Variants in DNAJC27 observed in about 807,000 individuals in gnomAD.
DNAJC27 encodes dnaJ homolog subfamily C member 27.
Under a neutral mutation model 31.4 loss-of-function variants are expected in DNAJC27, and 25 were observed. The ratio of observed to expected loss-of-function variants is 0.80; its 90% confidence interval spans 0.58 to 1.11. DNAJC27 has a LOEUF of 1.11. Among genes scored for constraint, DNAJC27 ranks in the 50% most tolerant of loss-of-function variants. DNAJC27 has a pLI of 0.00. For missense variants in DNAJC27, 356 were observed against 347.3 expected (o/e 1.02, Z -0.20); for synonymous variants, 106 against 112.7 (o/e 0.94, Z 0.37).
intron 4 of DNAJC27, 78 bp from the exon 5 acceptor site, chr2:24,957,243 C>A: frequency 6.9e-7 from 1 of 1,448,518 alleles, no homozygotes; most frequent in South Asian, 1.5e-5. Flanking sequence ...GGGTCTCTGT[C>A]AATCCTTTAC....
intron 1 of DNAJC27, among the ~76,000 whole-genome samples, chr2:24,970,210 A>C (rs1309538400): frequency 6.6e-6 from 1 of 152,184 alleles, no homozygotes; most frequent in African/African-American, 2.4e-5. Flanking sequence ...TGTGGGTAAT[A>C]ATTTTGCTTT....
At chr2:24,961,774 T>A (rs1666047875) in intron 3 of DNAJC27, among the ~76,000 whole-genome samples, 1 of 152,078 alleles carries the variant, frequency 6.6e-6, no homozygotes, top group Admixed American at 6.6e-5. Flanking sequence ...CGATAAAAAA[T>A]AAATAAGGAG....
chr2:24,956,747 C>T (rs1244944933), intron 5 of DNAJC27, among the ~76,000 whole-genome samples: 1 of 152,156 alleles, frequency 6.6e-6, no homozygotes, highest in African/African-American at 2.4e-5. Context: ...TGGGCTCCAT[C>T]GCAACATAAG....
At chr2:24,965,011 G>C (rs1666144615) in intron 2 of DNAJC27, among the ~76,000 whole-genome samples, 1 of 152,006 alleles carries the variant, frequency 6.6e-6, no homozygotes, top group Non-Finnish European at 1.5e-5. Flanking sequence ...TTTGAGACCA[G>C]CCTGGCCAAC....
At chr2:24,963,379 A>G in intron 3 of DNAJC27, 26 bp downstream of exon 3, 1 of 1,584,196 alleles carries the variant, frequency 6.3e-7, no homozygotes, top group Admixed American at 1.7e-5. Flanking sequence ...TACTGGATAT[A>G]GGTTTTGTCA....
rs1665773634 is a variant in DNAJC27 at position 24,951,499 on chromosome 2, G to C, written c.584C>G (p.Thr195Ser). The C allele has an allele frequency of 6.2e-7, 1 of 1,613,508 alleles. No individual in the cohort carries two copies. The highest frequency in any genetic ancestry group is 1.3e-5 in the African/African-American group (1 of 74,914). Residue 195 changes from threonine (T) to serine (S), a missense_variant, in exon 6 of 7, where the codon ACC (threonine) becomes AGC (serine). Coordinates refer to ENST00000264711, the MANE Select transcript of DNAJC27 (RefSeq NM_016544.3). ...LCENGGKRPT[T>S]NSSASFTKEQ... is the part of the protein sequence containing the mutation. ...TTTGGTGAAACTAGCACTGCTATTG[G>C]TGGTAGGGCGTTTCCCGCCATTTTC...
At chr2:24,951,214 G>A (rs1179025244) in intron 6 of DNAJC27, among the ~76,000 whole-genome samples, 180 bp downstream of exon 6, 2 of 152,242 alleles carry the variant, frequency 1.3e-5, no homozygotes, top group African/African-American at 4.8e-5. Context: ...CCAGGCAACT[G>A]TGCCCTCTAT....
intron 3 of DNAJC27, 40 bp downstream of exon 3, chr2:24,963,365 A>C (rs765308624): frequency 1.5e-5 from 23 of 1,527,914 alleles, no homozygotes; most frequent in Middle Eastern, 3.4e-4. Flanking sequence ...CAAACCACCA[A>C]CAATACTGGA....
At chr2:24,959,125 T>C (rs1360896089) in intron 3 of DNAJC27, among the ~76,000 whole-genome samples, 1 of 152,160 alleles carries the variant, frequency 6.6e-6, no homozygotes, top group Non-Finnish European at 1.5e-5. Context: ...TTTCCCTCAG[T>C]ACTCATGGTC....
At chr2:24,956,224 T>C (rs1300748142) in intron 5 of DNAJC27, among the ~76,000 whole-genome samples, 1 of 152,246 alleles carries the variant, frequency 6.6e-6, no homozygotes, top group Admixed American at 6.5e-5. Context: ...ACTACTTTAT[T>C]TGAAATGCTA....
intron 3 of DNAJC27, among the ~76,000 whole-genome samples, chr2:24,960,238 T>C (rs1174891554): frequency 6.6e-6 from 1 of 152,248 alleles, no homozygotes; most frequent in Non-Finnish European, 1.5e-5. Context: ...TCTGTTACTA[T>C]TTTAAGTGTT....
At chr2:24,963,378 T>C (rs755330276) in intron 3 of DNAJC27, 27 bp downstream of exon 3, 27 of 1,583,434 alleles carry the variant, frequency 1.7e-5, no homozygotes, top group Non-Finnish European at 2.0e-5. Flanking sequence ...ATACTGGATA[T>C]AGGTTTTGTC....
chr2:24,951,621 C>A, intron 5 of DNAJC27, 67 bp from the exon 6 acceptor site: 1 of 1,410,116 alleles, frequency 7.1e-7, no homozygotes, highest in East Asian at 2.3e-5. Context: ...TTTTAAGCAT[C>A]AACTTAAAAG....
At position 24,971,924 on chromosome 2, in the gene DNAJC27, C is replaced by A; in HGVS notation, c.-20G>T. 1.9e-6 allele frequency: 3 copies of A among 1,550,398 alleles called. No homozygotes were observed. Among genetic ancestry groups the A allele is most frequent in the Non-Finnish European group, 1.7e-6 (2 of 1,151,090 alleles). On this transcript the variant is annotated 5_prime_UTR_variant, in exon 1 of 7. Coordinates refer to ENST00000264711, the MANE Select transcript of DNAJC27 (RefSeq NM_016544.3). Reference sequence around the variant, plus strand: ...CTCCATGGCCCTGGCTCTCTCGGGGCCACCCGCCTCGGTCTCTTCTTGTGC... The same window carrying A: ...CTCCATGGCCCTGGCTCTCTCGGGGACACCCGCCTCGGTCTCTTCTTGTGC...
intron 6 of DNAJC27, among the ~76,000 whole-genome samples, chr2:24,949,518 C>G (rs2149120374): frequency 6.6e-6 from 1 of 152,324 alleles, no homozygotes; most frequent in East Asian, 1.9e-4. Context: ...GAACAGTAAA[C>G]ACAGTTAACA....
At chr2:24,963,258 C>A in intron 3 of DNAJC27, 147 bp downstream of exon 3, 1 of 510,372 alleles carries the variant, frequency 2.0e-6, no homozygotes, top group Non-Finnish European at 3.5e-6. Flanking sequence ...TGTCTATTAA[C>A]TCAAGGCTCT....
intron 5 of DNAJC27, among the ~76,000 whole-genome samples, chr2:24,952,514 T>C (rs973846375): frequency 5.9e-5 from 9 of 152,236 alleles, no homozygotes; most frequent in Non-Finnish European, 1.0e-4. Context: ...ACAAGTCAGT[T>C]GTTTCTAGTT....
At chr2:24,972,014 G>C (rs957520768), upstream of DNAJC27, 8 of 773,054 alleles carry the variant, frequency 1.0e-5, no homozygotes, top group African/African-American at 1.8e-5. Flanking sequence ...TCACCGCCTC[G>C]CCTCCGCTGC....
At chr2:24,958,063 C>A in intron 3 of DNAJC27, 89 bp from the exon 4 acceptor site, 1 of 1,236,370 alleles carries the variant, frequency 8.1e-7, no homozygotes, top group African/African-American at 1.5e-5. Context: ...AAAGTGTGTT[C>A]TTTTGTGTAT....
Sources: gnomAD v4.1 joint callset for allele counts (sites outside exome capture counted in the v4.1 genomes callset) on GRCh38, gnomAD v4.1.1 for gene constraint, MANE v1.5 for transcripts, NCBI Gene and HGNC (gene_info 2026-07-23, HGNC 2026-07-21) for gene names.